Variants in NBN observed in about 807,000 individuals in gnomAD.
The protein encoded by NBN is nibrin.
In NBN, 88 loss-of-function variants were observed where a neutral mutation model predicts 90.8. The ratio of observed to expected loss-of-function variants is 0.97; its 90% CI spans 0.82 to 1.16. NBN has a LOEUF of 1.16. NBN is among the 50% of genes most tolerant of loss of function. The pLI, the probability that NBN is intolerant of heterozygous loss-of-function variation, is 0.00. For synonymous variants in NBN, 328 were observed against 295.1 expected (o/e 1.11, Z -1.14); for missense variants, 894 against 869.6 (o/e 1.03, Z -0.35).
intron 14 of NBN, among the ~76,000 whole-genome samples, chr8:89,941,085 G>A (rs566986402): frequency 6.6e-6 from 1 of 152,198 alleles, no homozygotes; most frequent in East Asian, 1.9e-4. Flanking sequence ...AGATGTGGAC[G>A]ACAAAGGTAA....
In NBN at chr8:89,955,276, A is replaced by C. The variant is rs1554558986; in HGVS notation, c.1397+7T>G. ...CAGAGACATGAGAGAAGTTATCAAA[A>C]ACAGACCTTTTTTTGGTAGACGGCT... On this transcript the variant is annotated splice_region_variant and intron_variant, in intron 10 of 15. Transcript: ENST00000265433. The C allele has an allele frequency of 1.2e-6, 2 of 1,613,338 alleles. No individual in the cohort carries two copies. The highest frequency in any genetic ancestry group is 2.7e-5 in the African/African-American group (2 of 74,908).
At chr8:89,965,687 A>G (rs1323882689) in intron 7 of NBN, among the ~76,000 whole-genome samples, 1 of 152,062 alleles carries the variant, frequency 6.6e-6, no homozygotes, top group East Asian at 1.9e-4. Context: ...ATGGGGTTTC[A>G]CTACGCTGGC....
At chr8:89,970,271 C>T (rs1811443011) in intron 7 of NBN, 93 bp downstream of exon 7, 9 of 1,126,434 alleles carry the variant, frequency 8.0e-6, no homozygotes, top group Non-Finnish European at 1.2e-5. Flanking sequence ...ATTCTTGTAT[C>T]TACTTTTACA....
At chr8:89,953,935 C>T (rs1037101894) in intron 10 of NBN, among the ~76,000 whole-genome samples, 20 of 152,086 alleles carry the variant, frequency 1.3e-4, no homozygotes, top group Admixed American at 1.1e-3. Context: ...TCTATCTTCT[C>T]TGCTTAAGTT....
At chr8:89,958,250 C>G (rs183386506) in intron 9 of NBN, among the ~76,000 whole-genome samples, 15 of 152,254 alleles carry the variant, frequency 9.9e-5, no homozygotes, top group African/African-American at 3.6e-4. Flanking sequence ...TGCTGTGTGG[C>G]CTGGTTCCTA....
rs1244143643 is a variant in NBN at position 89,953,562 on chromosome 8, A to G, written c.1527T>C (p.Ser509=). 1.2e-6 allele frequency: 2 copies of G among 1,613,828 alleles called. No homozygotes were observed. Among genetic ancestry groups the G allele is most frequent in the South Asian group, 2.2e-5 (2 of 91,074 alleles). Residue 509 remains serine, a synonymous_variant, in exon 11 of 16, where the codon TCT becomes TCC. Coordinates refer to ENST00000265433, the MANE Select transcript of NBN (RefSeq NM_002485.5). ...SLWKNKEQHL[S]ENEPVDTNSD... is the part of the protein sequence containing the mutation. The stretch of plus-strand genomic sequence containing the variant: ...AGTTTGTGTCCACAGGCTCATTCTC[A>G]GATAGATGCTGCTCCTTATTTTTCC...
Position 89,981,458 on chromosome 8 carries a change from A to T in NBN, c.237T>A (p.Asn79Lys). 6.2e-7 allele frequency: 1 copy of T among 1,613,994 alleles called. No homozygotes were observed. The part of the protein sequence containing the change: ...KDNSKYGTFV[N>K]EEKMQNGFSR... ...AAAAGCCATTCTGCATTTTTTCCTC[A>T]TTAACAAAGGTACCATACTTAGAAT... Residue 79 changes from asparagine to lysine, a missense_variant, in exon 3 of 16, where the codon AAT (asparagine) becomes AAA (lysine). Physicochemically the swap from Asn to Lys is moderately conservative, Grantham distance 94 (BLOSUM62 0). Transcript: ENST00000265433.
rs2308962 is a variant in NBN, at chr8:89,946,302, T to C, written c.1915-7A>G. ...CCTGAAGTTTGTCATTGTTCTTAAATGGGGTTAAGATGGATAGGTAAGAAA... is the reference window on the plus strand; with the variant it reads ...CCTGAAGTTTGTCATTGTTCTTAAACGGGGTTAAGATGGATAGGTAAGAAA... On this transcript the variant is annotated splice_region_variant and splice_polypyrimidine_tract_variant and intron_variant, in intron 12 of 15. Coordinates refer to ENST00000265433, the MANE Select transcript of NBN (RefSeq NM_002485.5). 521,300 of 1,566,918 alleles carry C rather than the reference T, an allele frequency of 0.33. 88,722 individuals carry two copies. The highest frequency in any genetic ancestry group is 0.48 in the East Asian group (21,133 of 44,438).
intron 7 of NBN, among the ~76,000 whole-genome samples, chr8:89,966,155 G>A (rs1409719156): frequency 6.6e-6 from 1 of 152,156 alleles, no homozygotes; most frequent in Non-Finnish European, 1.5e-5. Context: ...TCAACAGTGA[G>A]ATAAATGTGG....
intron 11 of NBN, 47 bp downstream of exon 11, chr8:89,953,197 A>C (rs778419431): frequency 1.5e-6 from 2 of 1,371,536 alleles, no homozygotes; most frequent in Admixed American, 1.7e-5. Context: ...ACCTGTTAGC[A>C]TTCTAAGCTT....
At chr8:89,952,056 C>T (rs1023335040) in intron 11 of NBN, among the ~76,000 whole-genome samples, 24 of 152,178 alleles carry the variant, frequency 1.6e-4, no homozygotes, top group Admixed American at 1.5e-3. Context: ...ATTCTCCCTC[C>T]CTGGAAAGTA....
intron 12 of NBN, chr8:89,946,524 A>G: frequency 8.6e-6 from 4 of 465,244 alleles, no homozygotes; most frequent in Non-Finnish European, 1.5e-5. Context: ...TAACATACTC[A>G]TCTGTGACAG....
intron 7 of NBN, among the ~76,000 whole-genome samples, chr8:89,965,885 C>T (rs1339662838): frequency 2.0e-5 from 3 of 152,002 alleles, no homozygotes; most frequent in Non-Finnish European, 4.4e-5. Context: ...TTCAGTTATA[C>T]GTGCAATTAA....
intron 11 of NBN, 133 bp from the exon 12 acceptor site, chr8:89,948,025 G>C: frequency 1.3e-5 from 7 of 533,588 alleles, no homozygotes; most frequent in Non-Finnish European, 2.3e-5. Flanking sequence ...TTCATGTTAT[G>C]TATGACCAGG....
At chr8:89,936,087 C>CTTTTTTTT (rs35393048) in intron 15 of NBN, 7 of 280,628 alleles carry the variant, frequency 2.5e-5, no homozygotes, top group East Asian at 1.2e-4. Context: ...TCTGTCAACA[C>CTTTTTTTT]TTTTTTTTTT....
chr8:89,938,447 ACT>A (rs13312960), intron 14 of NBN, among the ~76,000 whole-genome samples: 27 of 149,668 alleles, frequency 1.8e-4, no homozygotes, highest in Non-Finnish European at 2.7e-4. Flanking sequence ...ACTATCTTAA[ACT>A]CTCTCTCTCT....
Position 89,934,900 on chromosome 8 carries a change from G to C in NBN, c.*682C>G, listed in dbSNP as rs1809594050. On this transcript the variant is annotated 3_prime_UTR_variant, in exon 16 of 16. Transcript: ENST00000265433. Reference sequence around the variant, plus strand: ...AGTAAGACCACCAAAAAGGGGTACAGGTCTTTCCATTCTGGTGAAAACTAA... The same window carrying C: ...AGTAAGACCACCAAAAAGGGGTACACGTCTTTCCATTCTGGTGAAAACTAA... The C allele has an allele frequency of 4.3e-6, 1 of 232,758 alleles. No individual in the cohort carries two copies. The highest frequency in any genetic ancestry group is 6.1e-5 in the East Asian group (1 of 16,460). The allele number at this position is 232,758 out of a possible 1,614,324, so 14.4% of individuals were successfully genotyped here. A position where few individuals can be genotyped will look rare whatever the true frequency, so the allele number is the denominator to read the frequency against.
In NBN at chr8:89,980,614, A is replaced by G. The variant is rs139140956; in HGVS notation, c.480+120T>C. On this transcript the variant is annotated intron_variant, in intron 4 of 15. Coordinates refer to ENST00000265433, the MANE Select transcript of NBN (RefSeq NM_002485.5). ...ATACAAAGGGATGGAGTGGGTATAT[A>G]TAAATCTACAACTAACAGTTCTGAT... 4.9e-6 allele frequency: 4 copies of G among 808,984 alleles called. No homozygotes were observed. In the East Asian group the frequency reaches 1.0e-4, roughly 21 times the overall value. 50.1% of individuals were successfully genotyped at this position (808,984 alleles called of 1,614,324 possible).
At chr8:89,956,274 A>T (rs1810713596) in intron 9 of NBN, among the ~76,000 whole-genome samples, 1 of 151,876 alleles carries the variant, frequency 6.6e-6, no homozygotes, top group South Asian at 2.1e-4. Flanking sequence ...CTCTTGAAAA[A>T]GTTAAATCTG....
Sources: allele counts gnomAD v4.1 joint callset (sites outside exome capture counted in the v4.1 genomes callset), GRCh38; gene constraint gnomAD v4.1.1; transcripts MANE v1.5; gene names NCBI Gene and HGNC (gene_info 2026-07-23, HGNC 2026-07-21).